Variants in BRINP3 observed in about 807,000 individuals in gnomAD.
BRINP3 encodes BMP/retinoic acid inducible neural specific 3, also known as BMP/retinoic acid-inducible neural-specific protein 3.
Under a neutral mutation model 71.0 loss-of-function variants are expected in BRINP3, and 19 were observed. That is an observed-to-expected ratio of 0.27 (90% CI 0.19 to 0.39). BRINP3 has a LOEUF of 0.39. Among genes scored for constraint, BRINP3 ranks in the 10% least tolerant of loss-of-function variants. The probability of loss-of-function intolerance (pLI) is 1.00; values close to 1 mark genes in which losing one functional copy is unlikely to be tolerated. For synonymous variants in BRINP3, 380 were observed against 337.7 expected (o/e 1.13, Z -1.37); for missense variants, 959 against 940.8 (o/e 1.02, Z -0.25).
chr1:190,416,897 C>A (rs768275721), intron 2 of BRINP3, among the ~76,000 whole-genome samples: 1 of 152,102 alleles, frequency 6.6e-6, no homozygotes, highest in Non-Finnish European at 1.5e-5. Context: ...GTAGAGACAC[C>A]GGAAGTTTTC....
In BRINP3 at chr1:190,138,111, C is replaced by T. The variant is rs192281360; in HGVS notation, c.1184+22557G>A. On this transcript the variant is annotated intron_variant, in intron 7 of 7. Transcript: ENST00000367462. ...CTGGGATTACAGGCATGTACCAGCA[C>T]GCCTGGCTAATTTTGTATTTTTAGT... Among the ~76,000 whole-genome samples the T allele has an allele frequency of 4.1e-4, 63 of 151,984 alleles. 1 individual carries two copies. The highest frequency in any genetic ancestry group is 4.6e-4 in the Admixed American group (7 of 15,248).
rs1667008674 is a variant in BRINP3, at chr1:190,332,183, T to C, written c.237-50433A>G. On this transcript the variant is annotated intron_variant, in intron 2 of 7. Coordinates refer to ENST00000367462, the MANE Select transcript of BRINP3 (RefSeq NM_199051.3). ...TCAAGAAGAAGTATATGAACACGTG[T>C]GTGAATTTCCTGTAAACAATTTGCA... is the stretch of plus-strand genomic sequence containing the variant. 2.6e-5 allele frequency among the ~76,000 whole-genome samples: 4 copies of C among 152,166 alleles called. No individual in the cohort carries two copies. In the South Asian group the frequency reaches 8.3e-4, roughly 32 times the overall value.
chr1:190,212,115 A>G (rs920001321), intron 6 of BRINP3, among the ~76,000 whole-genome samples: 3 of 152,086 alleles, frequency 2.0e-5, no homozygotes, highest in African/African-American at 7.2e-5. Flanking sequence ...TATTTCCTTT[A>G]CTTTTATATT....
Position 190,301,216 on chromosome 1 carries a change from T to TATATACACATAC in BRINP3, c.237-19467_237-19466insGTATGTGTATAT, listed in dbSNP as rs1664702963. ...ATATATACACATACATATATATATATATATATATATATATATATACACACA... is the reference window on the plus strand; with the variant it reads ...ATATATACACATACATATATATATATATATACACATACATATATATATATATATATACACACA... On this transcript the variant is annotated intron_variant, in intron 2 of 7. Coordinates refer to ENST00000367462, the MANE Select transcript of BRINP3 (RefSeq NM_199051.3). 5.7e-4 allele frequency among the ~76,000 whole-genome samples: 35 copies of TATATACACATAC among 61,402 alleles called. 1 individual carries two copies. The highest frequency in any genetic ancestry group is 1.6e-3 in the African/African-American group (33 of 20,864). 40.3% of individuals were successfully genotyped at this position (61,402 alleles called of 152,430 possible). A position where few individuals can be genotyped will look rare whatever the true frequency, so the allele number is the denominator to read the frequency against.
At chr1:190,444,041 T>C (rs1387584207) in intron 2 of BRINP3, among the ~76,000 whole-genome samples, 1 of 152,086 alleles carries the variant, frequency 6.6e-6, no homozygotes, top group African/African-American at 2.4e-5. Context: ...GAGACCAGCC[T>C]GACCAAAATT....
chr1:190,443,611 C>T (rs1032804352), intron 2 of BRINP3, among the ~76,000 whole-genome samples: 1 of 152,068 alleles, frequency 6.6e-6, no homozygotes, highest in African/African-American at 2.4e-5. Context: ...AGCAGTGGGT[C>T]ACAGACTCTG....
chr1:190,303,089 T>C (rs1424510621), intron 2 of BRINP3, among the ~76,000 whole-genome samples: 3 of 151,770 alleles, frequency 2.0e-5, no homozygotes, highest in Non-Finnish European at 3.0e-5. Context: ...ATAATTCTTA[T>C]AATTAGATAA....
chr1:190,409,931 T>G (rs1259594044), intron 2 of BRINP3, among the ~76,000 whole-genome samples: 2 of 152,100 alleles, frequency 1.3e-5, no homozygotes, highest in East Asian at 3.9e-4. Context: ...ATGAGCAAGG[T>G]AAGGGAAACC....
chr1:190,327,326 C>CA (rs1227478693), intron 2 of BRINP3, among the ~76,000 whole-genome samples: 2,074 of 44,140 alleles, frequency 0.047, 45 homozygotes, highest in Non-Finnish European at 0.063. Flanking sequence ...AAAAAAAGAA[C>CA]AAAAAAAAAA....
intron 7 of BRINP3, among the ~76,000 whole-genome samples, chr1:190,129,581 T>G (rs545788366): frequency 6.6e-6 from 1 of 152,084 alleles, no homozygotes; most frequent in South Asian, 2.1e-4. Context: ...TAGAGCAGCA[T>G]GCTTAGTGTG....
chr1:190,328,293 C>G (rs908641656), intron 2 of BRINP3, among the ~76,000 whole-genome samples: 1 of 151,986 alleles, frequency 6.6e-6, no homozygotes, highest in Non-Finnish European at 1.5e-5. Context: ...GGATAAGCAA[C>G]ATAAACAGAC....
chr1:190,399,980 T>C (rs1571952831), intron 2 of BRINP3, among the ~76,000 whole-genome samples: 1 of 152,048 alleles, frequency 6.6e-6, no homozygotes, highest in African/African-American at 2.4e-5. Context: ...CATCACACTC[T>C]CTATTTTCAT....
At chr1:190,466,694 G>C (rs1020170562) in intron 1 of BRINP3, among the ~76,000 whole-genome samples, 3 of 151,418 alleles carry the variant, frequency 2.0e-5, no homozygotes, top group Admixed American at 2.0e-4. Context: ...CAATTCACAT[G>C]GTAACAATTC....
At chr1:190,111,182 TAAAAAAA>T (rs750953190) in intron 7 of BRINP3, among the ~76,000 whole-genome samples, 3 of 61,812 alleles carry the variant, frequency 4.9e-5, no homozygotes, top group African/African-American at 1.6e-4. Flanking sequence ...AAGACTCCAT[TAAAAAAA>T]AAAAAAAAAA....
chr1:190,412,476 T>G (rs1319001736), intron 2 of BRINP3, among the ~76,000 whole-genome samples: 33 of 138,610 alleles, frequency 2.4e-4, no homozygotes, highest in African/African-American at 4.7e-4. Context: ...GTTTTTTTTT[T>G]TTTTGAGACG....
intron 3 of BRINP3, among the ~76,000 whole-genome samples, chr1:190,266,527 T>G (rs1423577313): frequency 2.0e-5 from 3 of 152,110 alleles, no homozygotes; most frequent in Non-Finnish European, 4.4e-5. Context: ...ATCAACAATA[T>G]TAGGTAGTGT....
chr1:190,165,056 T>C (rs1209648657), intron 6 of BRINP3, among the ~76,000 whole-genome samples: 1 of 151,928 alleles, frequency 6.6e-6, no homozygotes, highest in Non-Finnish European at 1.5e-5. Flanking sequence ...AGCAACAGTT[T>C]CAGTACAATG....
At chr1:190,361,637 C>T (rs1230402303) in intron 2 of BRINP3, among the ~76,000 whole-genome samples, 1 of 152,032 alleles carries the variant, frequency 6.6e-6, no homozygotes, top group African/African-American at 2.4e-5. Flanking sequence ...CTCTTGACCT[C>T]GTGATCCGCC....
chr1:190,178,091 C>A (rs1036236826), intron 6 of BRINP3, among the ~76,000 whole-genome samples: 4 of 152,056 alleles, frequency 2.6e-5, no homozygotes, highest in Admixed American at 2.0e-4. Flanking sequence ...TATTTTGGTA[C>A]CTTTCAGGGT....
Sources: allele counts gnomAD v4.1 joint callset (sites outside exome capture counted in the v4.1 genomes callset), GRCh38; gene constraint gnomAD v4.1.1; transcripts MANE v1.5; gene names NCBI Gene and HGNC (gene_info 2026-07-23, HGNC 2026-07-21).